The following IGF2 variants were observed in gnomAD, a reference collection of about 807,000 sequenced individuals.
IGF2 encodes insulin like growth factor 2.
Under a neutral mutation model 12.0 loss-of-function variants are expected in IGF2, and 2 were observed. The observed-to-expected ratio is 0.17, with a 90% CI of 0.07 to 0.52. The LOEUF (loss-of-function observed/expected upper bound fraction) is 0.52, where lower values mean the gene tolerates loss of function less well. IGF2 is among the 20% of genes least tolerant of loss of function. The pLI, the probability that IGF2 is intolerant of heterozygous loss-of-function variation, is 0.95. For missense variants in IGF2, 211 were observed against 268.0 expected, an observed-to-expected ratio of 0.79 and a Z score of 1.48; for synonymous variants, 105 against 110.1, an observed-to-expected ratio of 0.95 and a Z score of 0.29.
upstream of IGF2, chr11:2,140,742 C>A: frequency 2.8e-6 from 1 of 353,844 alleles, no homozygotes; most frequent in Non-Finnish European, 5.3e-6. Flanking sequence ...CCCACGCCGG[C>A]CTCCCCGGCG....
the IGF2 span, chr11:2,148,962 G>A: frequency 1.6e-6 from 1 of 644,300 alleles, no homozygotes; most frequent in Admixed American, 2.8e-5. This position sits in a 1 kb window ranked among gnomAD's most constrained non-coding sequence, Gnocchi z 4.3. Context: ...CCCTGAAGTT[G>A]AGGCTGCTCT....
chr11:2,130,588 C>CAA lies in IGF2; in HGVS notation c.*2397_*2398dup, dbSNP rs770477972. 3.1e-3 allele frequency: 317 copies of CAA among 101,180 alleles called. 1 individual carries two copies. The highest frequency in any genetic ancestry group is 9.6e-3 in the African/African-American group (250 of 26,128). 6.3% of individuals were successfully genotyped at this position (101,180 alleles called of 1,614,324 possible). A position where few individuals can be genotyped will look rare whatever the true frequency, so the allele number is the denominator to read the frequency against. ...AAGCTAAGGAGGGGTAAAAAAAAAA[C>CAA]AAAAAAAAAAAAAAAAGGAAAAATG... On this transcript the variant is annotated 3_prime_UTR_variant, in exon 4 of 4. Coordinates refer to ENST00000416167, the MANE Select transcript of IGF2 (RefSeq NM_000612.6).
In IGF2 at chr11:2,133,048, A is replaced by G. The variant is rs1226943034; in HGVS notation, c.482T>C (p.Leu161Pro). The change falls in exon 4 of 4, where the codon CTA (leucine) becomes CCA (proline). Residue 161 changes from leucine to proline, a missense_variant. Transcript: ENST00000416167. The surrounding 1 kb of genome is among the most constrained non-coding windows in gnomAD (Gnocchi z 8.9). ...EAKRHRPLIA[L>P]PTQDPAHGGA... ...CCCGTGGGCGGGGTCTTGGGTGGGT[A>G]GAGCAATCAGGGGACGGTGACGTTT... The G allele has an allele frequency of 2.5e-6, 4 of 1,599,260 alleles. No individual in the cohort carries two copies. The African/African-American group carries it at 5.4e-5, about 21-fold the overall frequency.
intron 2 of IGF2, among the ~76,000 whole-genome samples, chr11:2,134,480 G>A (rs950014277): frequency 1.2e-4 from 18 of 152,268 alleles, no homozygotes; most frequent in African/African-American, 3.6e-4. Context: ...AGGCCAGGGC[G>A]GGCAGGGGCT....
At chr11:2,139,582 G>GC (rs1345830514), upstream of IGF2, among the ~76,000 whole-genome samples, 2 of 147,526 alleles carry the variant, frequency 1.4e-5, no homozygotes, top group Admixed American at 1.3e-4. Context: ...GCCCCGGGGG[G>GC]GGGGCGGCGG....
At chr11:2,140,961 CG>C, upstream of IGF2, 1 of 310,394 alleles carries the variant, frequency 3.2e-6, no homozygotes, top group Non-Finnish European at 6.2e-6. Flanking sequence ...AGCGAGACCC[CG>C]GGGCCAGTCC....
rs1408698106 is a variant in IGF2, at chr11:2,138,373, G to A, written c.-151C>T. 3 of 959,056 alleles carry A rather than the reference G, an allele frequency of 3.1e-6. No individual in the cohort carries two copies. The highest frequency in any genetic ancestry group is 3.7e-6 in the Non-Finnish European group (3 of 807,964). 59.4% of individuals were successfully genotyped at this position (959,056 alleles called of 1,614,324 possible). A position where few individuals can be genotyped will look rare whatever the true frequency, so the allele number is the denominator to read the frequency against. On this transcript the variant is annotated 5_prime_UTR_variant, in exon 1 of 4. Coordinates refer to ENST00000416167, the MANE Select transcript of IGF2 (RefSeq NM_000612.6). ...CGAATGTGCGACGGGGCAGAGCGGG[G>A]GGATGGCTTTTTTTTGGGGGGGGGG...
chr11:2,132,061 G>GTGTGTGTGCTGTGCTCA lies in IGF2; in HGVS notation c.*925_*926insTGAGCACAGCACACACA, dbSNP rs1858646806. ...GTGCGTTTGTGTGTGTGCTGTGCTC[G>GTGTGTGTGCTGTGCTCA]TGTGTGTGCTGTGTTCATGCGTGTG... is the stretch of plus-strand genomic sequence containing the variant. On this transcript the variant is annotated 3_prime_UTR_variant, in exon 4 of 4. Transcript: ENST00000416167. 2 of 194,150 alleles carry GTGTGTGTGCTGTGCTCA rather than the reference G, an allele frequency of 1.0e-5. No individual in the cohort carries two copies. The highest frequency in any genetic ancestry group is 2.1e-5 in the Non-Finnish European group (2 of 95,366). The allele number at this position is 194,150 out of a possible 1,614,324, so 12.0% of individuals were successfully genotyped here.
Position 2,138,364 on chromosome 11 carries a change from C to A in IGF2, c.-142G>T. 1 of 915,120 alleles carries A rather than the reference C, an allele frequency of 1.1e-6. No homozygotes were observed. The highest frequency in any genetic ancestry group is 1.3e-6 in the Non-Finnish European group (1 of 790,706). The allele number at this position is 915,120 out of a possible 1,614,324, so 56.7% of individuals were successfully genotyped here. ...CGCGGGGGCCGAATGTGCGACGGGG[C>A]AGAGCGGGGGGATGGCTTTTTTTTG... On this transcript the variant is annotated 5_prime_UTR_variant, in exon 1 of 4. Coordinates refer to ENST00000416167, the MANE Select transcript of IGF2 (RefSeq NM_000612.6).
Position 2,138,810 on chromosome 11 carries a change from G to C in IGF2, c.-588C>G. On this transcript the variant is annotated 5_prime_UTR_variant, in exon 1 of 4. Transcript: ENST00000416167. ...GGGGCCAGACGCCAAGAGGGGCGCG[G>C]GGAGCACAGAGAAGCGGAGGGAAGG... 1.1e-6 allele frequency: 1 copy of C among 945,456 alleles called. No individual in the cohort carries two copies. The highest frequency in any genetic ancestry group is 1.3e-6 in the Non-Finnish European group (1 of 794,832). The allele number at this position is 945,456 out of a possible 1,614,324, so 58.6% of individuals were successfully genotyped here. A position where few individuals can be genotyped will look rare whatever the true frequency, so the allele number is the denominator to read the frequency against.
chr11:2,135,332 G>C (rs1436805071), intron 2 of IGF2, 35 bp downstream of exon 2: 1 of 1,566,662 alleles, frequency 6.4e-7, no homozygotes, highest in Non-Finnish European at 8.7e-7. Flanking sequence ...CTAGGGGCCT[G>C]ACCAGGTCTG....
intron 1 of IGF2, among the ~76,000 whole-genome samples, chr11:2,137,536 G>T (rs963562671): frequency 6.6e-6 from 1 of 151,944 alleles, no homozygotes; most frequent in Non-Finnish European, 1.5e-5. Context: ...TGAAGGGGGG[G>T]GGGGTCTCCT....
At chr11:2,142,421 G>A (rs548813810), upstream of IGF2, among the ~76,000 whole-genome samples, 10 of 152,248 alleles carry the variant, frequency 6.6e-5, no homozygotes, top group African/African-American at 1.4e-4. The surrounding 1 kb of genome is among the most constrained non-coding windows in gnomAD (Gnocchi z 5.7). Flanking sequence ...TAGGACTTAG[G>A]AATTTTCAGA....
upstream of IGF2, chr11:2,140,121 A>T (rs1359588406): frequency 6.2e-7 from 1 of 1,610,508 alleles, no homozygotes; most frequent in South Asian, 1.1e-5. Context: ...CGGGAAACAC[A>T]GCTCAAATCC....
chr11:2,139,074 G>A lies in IGF2; in HGVS notation c.-852C>T. ...CTGGAGGGGGAGCGCGGGGGGGGGTGACAACGCCGGCGGCCTGCGAGCCGG... is the reference window on the plus strand; with the variant it reads ...CTGGAGGGGGAGCGCGGGGGGGGGTAACAACGCCGGCGGCCTGCGAGCCGG... On this transcript the variant is annotated 5_prime_UTR_variant, in exon 1 of 4. Transcript: ENST00000416167. 6.7e-6 allele frequency: 1 copy of A among 148,300 alleles called. No individual in the cohort carries two copies. Among genetic ancestry groups the A allele is most frequent in the Non-Finnish European group, 1.1e-5 (1 of 95,038 alleles). 9.2% of individuals were successfully genotyped at this position (148,300 alleles called of 1,614,324 possible). A position where few individuals can be genotyped will look rare whatever the true frequency, so the allele number is the denominator to read the frequency against.
the IGF2 span, chr11:2,147,833 T>C: frequency 8.1e-7 from 1 of 1,237,420 alleles, no homozygotes; most frequent in Non-Finnish European, 1.0e-6. The surrounding 1 kb of genome is among the most constrained non-coding windows in gnomAD (Gnocchi z 7.2). Flanking sequence ...AAGATATTGC[T>C]GAGATGACCT....
the IGF2 span, chr11:2,148,886 C>T: frequency 5.3e-6 from 3 of 564,408 alleles, no homozygotes; most frequent in East Asian, 5.8e-5. The surrounding 1 kb of genome is among the most constrained non-coding windows in gnomAD (Gnocchi z 4.3). Context: ...CTTGCAAAAG[C>T]CTCAGTGGCT....
chr11:2,149,277 G>A, the IGF2 span: 16 of 1,613,584 alleles, frequency 9.9e-6, no homozygotes, highest in African/African-American at 1.3e-5. Context: ...AAAGCAGGGG[G>A]TGCCCTGGCT....
the IGF2 span, chr11:2,146,370 G>A: frequency 3.9e-5 from 21 of 535,310 alleles, no homozygotes; most frequent in East Asian, 1.1e-3. Context: ...CCGCAGACGA[G>A]GCGCTGACCT....
Sources: gnomAD v4.1 joint callset for allele counts (sites outside exome capture counted in the v4.1 genomes callset) on GRCh38, gnomAD v4.1.1 for gene constraint, Gnocchi (gnomAD v3.1) non-coding constraint, MANE v1.5 for transcripts, NCBI Gene and HGNC (gene_info 2026-07-23, HGNC 2026-07-21) for gene names.